The following CYS1 variants were observed in gnomAD, a reference collection of about 807,000 sequenced individuals.
CYS1 encodes cystin-1.
Under a neutral mutation model 9.6 loss-of-function variants are expected in CYS1, and 5 were observed. That is an observed-to-expected ratio of 0.52 (90% CI 0.27 to 1.10). CYS1 has a LOEUF of 1.10. Ranked by LOEUF, CYS1 falls within the 50% of genes least tolerant of loss-of-function variation. The probability of loss-of-function intolerance (pLI) is 0.11; values close to 1 mark genes in which losing one functional copy is unlikely to be tolerated. For synonymous variants in CYS1, 88 were observed against 95.7 expected (o/e 0.92, Z 0.47); for missense variants, 221 against 207.9 (o/e 1.06, Z -0.39).
chr2:10,059,419 A>C (rs1661596114), intron 2 of CYS1, among the ~76,000 whole-genome samples: 1 of 152,262 alleles, frequency 6.6e-6, no homozygotes, highest in Non-Finnish European at 1.5e-5. Context: ...AATCACGGCC[A>C]GGCGCAGTGG....
Position 10,076,423 on chromosome 2 carries a change from C to T in CYS1, c.318+3483G>A, listed in dbSNP as rs1264747537. On this transcript the variant is annotated intron_variant, in intron 1 of 2. Coordinates refer to ENST00000381813, the MANE Select transcript of CYS1 (RefSeq NM_001037160.3). This position sits in a 1 kb window ranked among gnomAD's most constrained non-coding sequence, Gnocchi z 4.3. ...TCCTACAAGAGCTGACTGCACCGCC[C>T]TCCTTGTGTCCTATTCTCCATGAAC... 2.0e-5 allele frequency among the ~76,000 whole-genome samples: 3 copies of T among 152,128 alleles called. No individual in the cohort carries two copies. Among genetic ancestry groups the T allele is most frequent in the Non-Finnish European group, 2.9e-5 (2 of 68,032 alleles).
intron 1 of CYS1, among the ~76,000 whole-genome samples, chr2:10,077,993 A>T (rs559503351): frequency 5.3e-5 from 8 of 152,052 alleles, no homozygotes; most frequent in African/African-American, 1.9e-4. Context: ...GTAATCCCAG[A>T]TACTCAGAAG....
intron 1 of CYS1, among the ~76,000 whole-genome samples, chr2:10,070,940 C>T (rs770621687): frequency 3.9e-5 from 6 of 152,004 alleles, no homozygotes; most frequent in Non-Finnish European, 8.8e-5. Flanking sequence ...TGAGCCACCA[C>T]GCCCAGCCTG....
intron 1 of CYS1, among the ~76,000 whole-genome samples, chr2:10,069,084 T>A (rs868300146): frequency 1.7e-4 from 26 of 151,986 alleles, no homozygotes; most frequent in Middle Eastern, 3.4e-3. Flanking sequence ...AATTAAATTT[T>A]AAAAAATAAA....
At position 10,056,818 on chromosome 2, in the gene CYS1, ATTTTT is replaced by A. The variant is rs1661556166; in HGVS notation, c.*2030_*2034del. ...TGCTTTATTTGTTCTTTTTATTATT[ATTTTT>A]AAGTTCACCTACAGCTGCAGTACAC... On this transcript the variant is annotated 3_prime_UTR_variant, in exon 3 of 3. Transcript: ENST00000381813. 1 of 152,066 alleles carries A rather than the reference ATTTTT, an allele frequency of 6.6e-6. No homozygotes were observed. The highest frequency in any genetic ancestry group is 2.4e-5 in the African/African-American group (1 of 41,392). 9.4% of individuals were successfully genotyped at this position (152,066 alleles called of 1,614,324 possible).
At position 10,076,728 on chromosome 2, in the gene CYS1, T is replaced by C. The variant is rs901006204; in HGVS notation, c.318+3178A>G. ...CTCAACCCCTGGCCTCGTCCCACGT[T>C]AGTTCACATACACGAAGCTCCCAGG... is the stretch of plus-strand genomic sequence containing the variant. On this transcript the variant is annotated intron_variant, in intron 1 of 2. Transcript: ENST00000381813. This position sits in a 1 kb window ranked among gnomAD's most constrained non-coding sequence, Gnocchi z 4.3. 6.6e-6 allele frequency among the ~76,000 whole-genome samples: 1 copy of C among 152,196 alleles called. No individual in the cohort carries two copies. The highest frequency in any genetic ancestry group is 6.5e-5 in the Admixed American group (1 of 15,268).
chr2:10,068,765 C>A (rs1661726169), intron 1 of CYS1, among the ~76,000 whole-genome samples: 1 of 152,140 alleles, frequency 6.6e-6, no homozygotes, highest in South Asian at 2.1e-4. Context: ...AGGGGGAGGG[C>A]ACATGAAAGA....
At chr2:10,061,664 C>A (rs540056273) in intron 2 of CYS1, among the ~76,000 whole-genome samples, 2 of 152,294 alleles carry the variant, frequency 1.3e-5, no homozygotes, top group South Asian at 2.1e-4. Flanking sequence ...CAGGGACTGG[C>A]GCAAGGGAAG....
intron 2 of CYS1, among the ~76,000 whole-genome samples, chr2:10,059,750 A>T (rs996814727): frequency 1.2e-4 from 19 of 152,380 alleles, no homozygotes; most frequent in Middle Eastern, 3.4e-3. Flanking sequence ...GCTTGCCGAC[A>T]TCGGTCCGTG....
At chr2:10,079,842 G>C in intron 1 of CYS1, 64 bp downstream of exon 1, 4 of 1,001,660 alleles carry the variant, frequency 4.0e-6, no homozygotes, top group Non-Finnish European at 4.9e-6. Flanking sequence ...GGCTGGGGCG[G>C]GGACGCGCGG....
intron 1 of CYS1, 48 bp from the exon 2 acceptor site, chr2:10,066,004 A>G (rs539351229): frequency 4.4e-6 from 7 of 1,606,920 alleles, no homozygotes; most frequent in South Asian, 3.3e-5. Context: ...TCAACAGTGC[A>G]GCCTGCCTAA....
intron 1 of CYS1, 94 bp downstream of exon 1, chr2:10,079,812 G>T: frequency 1.2e-6 from 1 of 806,510 alleles, no homozygotes; most frequent in Non-Finnish European, 1.5e-6. Flanking sequence ...GGAAGGGGGC[G>T]CAGCGCGACC....
chr2:10,064,417 A>G (rs1661667282), intron 2 of CYS1, among the ~76,000 whole-genome samples: 1 of 152,076 alleles, frequency 6.6e-6, no homozygotes, highest in Non-Finnish European at 1.5e-5. Flanking sequence ...TGGAAACTCT[A>G]AAGTCCCTGC....
chr2:10,073,596 AG>A (rs1661803876), intron 1 of CYS1, among the ~76,000 whole-genome samples: 1 of 152,144 alleles, frequency 6.6e-6, no homozygotes, highest in Admixed American at 6.5e-5. Flanking sequence ...GGCCTTGGGC[AG>A]GGGGCTGCTT....
intron 1 of CYS1, among the ~76,000 whole-genome samples, chr2:10,071,260 C>A (rs958614401): frequency 4.6e-5 from 7 of 152,266 alleles, no homozygotes; most frequent in African/African-American, 1.2e-4. Flanking sequence ...AGCCACCGTG[C>A]CCGGCTCTGA....
intron 1 of CYS1, 26 bp downstream of exon 1, chr2:10,079,880 C>CGAGGCCCT (rs1172133309): frequency 7.3e-6 from 8 of 1,098,572 alleles, no homozygotes; most frequent in Non-Finnish European, 4.4e-6. Flanking sequence ...CGCCGTCCCC[C>CGAGGCCCT]GAGGCCCTGC....
chr2:10,069,052 GCT>G (rs1661731170), intron 1 of CYS1, among the ~76,000 whole-genome samples: 2 of 151,638 alleles, frequency 1.3e-5, no homozygotes, highest in South Asian at 4.2e-4. Flanking sequence ...ACAGAGCGAG[GCT>G]CTGTCTCAGA....
At chr2:10,078,146 T>A (rs902009153) in intron 1 of CYS1, among the ~76,000 whole-genome samples, 8 of 151,014 alleles carry the variant, frequency 5.3e-5, no homozygotes, top group African/African-American at 1.9e-4. Context: ...ATACACACAG[T>A]TCACACCCAG....
chr2:10,060,289 G>A (rs540560886), intron 2 of CYS1, among the ~76,000 whole-genome samples: 76 of 152,290 alleles, frequency 5.0e-4, no homozygotes, highest in Non-Finnish European at 7.6e-4. Context: ...CCCATTTCCC[G>A]GCCTGGTTCC....
Sources: gnomAD v4.1 joint callset for allele counts (sites outside exome capture counted in the v4.1 genomes callset) on GRCh38, gnomAD v4.1.1 for gene constraint, Gnocchi (gnomAD v3.1) non-coding constraint, MANE v1.5 for transcripts, NCBI Gene and HGNC (gene_info 2026-07-23, HGNC 2026-07-21) for gene names.